DAB1: variants seen among roughly 807,000 people sequenced by gnomAD.
DAB1 encodes the protein DAB adaptor protein 1.
Under a neutral mutation model 64.6 loss-of-function variants are expected in DAB1, and 15 were observed. That is an observed-to-expected ratio of 0.23 (90% CI 0.16 to 0.36). DAB1 has a LOEUF of 0.36. Ranked by LOEUF, DAB1 falls within the 10% of genes least tolerant of loss-of-function variation. DAB1 has a pLI of 1.00. For missense variants in DAB1, 596 were observed against 706.7 expected (o/e 0.84, Z 1.78); for synonymous variants, 235 against 251.9 (o/e 0.93, Z 0.64).
chr1:58,113,917 C>A (rs889454710), intron 5 of DAB1, among the ~76,000 whole-genome samples: 1 of 151,378 alleles, frequency 6.6e-6, no homozygotes, highest in Non-Finnish European at 1.5e-5. Flanking sequence ...AGGAAGGTGC[C>A]CCCCCAAAGT....
chr1:57,950,769 C>T (rs1202789), intron 5 of DAB1, among the ~76,000 whole-genome samples: 21,602 of 152,086 alleles, frequency 0.14, 2,149 homozygotes, highest in African/African-American at 0.28. Context: ...AGAATCAAAT[C>T]CTCTCTTTTA....
At chr1:57,309,226 G>T (rs1442743383) in intron 1 of DAB1, among the ~76,000 whole-genome samples, 1 of 152,136 alleles carries the variant, frequency 6.6e-6, no homozygotes, top group Non-Finnish European at 1.5e-5. Flanking sequence ...TTTGCCTGAA[G>T]TTACACAATG....
intron 2 of DAB1, among the ~76,000 whole-genome samples, chr1:58,514,567 C>T (rs1019518876): frequency 6.6e-6 from 1 of 152,044 alleles, no homozygotes; most frequent in Admixed American, 6.6e-5. Context: ...TTTAGGAAAC[C>T]ATTAACACCC....
At chr1:57,611,623 C>T (rs953580236) in intron 7 of DAB1, among the ~76,000 whole-genome samples, 4 of 152,214 alleles carry the variant, frequency 2.6e-5, no homozygotes, top group Admixed American at 2.6e-4. Flanking sequence ...ACAGCTAGTA[C>T]ACTGGCAAGC....
chr1:58,191,999 G>A (rs1175657662), intron 4 of DAB1, among the ~76,000 whole-genome samples: 1 of 152,216 alleles, frequency 6.6e-6, no homozygotes, highest in Non-Finnish European at 1.5e-5. Flanking sequence ...CTGAAAGGGA[G>A]TATTATTATT....
At chr1:57,536,848 A>G (rs1644736079) in intron 7 of DAB1, among the ~76,000 whole-genome samples, 1 of 151,446 alleles carries the variant, frequency 6.6e-6, no homozygotes, top group African/African-American at 2.4e-5. Flanking sequence ...CATGGTTCCC[A>G]TAGTTTGGAA....
intron 6 of DAB1, among the ~76,000 whole-genome samples, chr1:57,781,126 C>CTCTCTATA (rs1557477160): frequency 3.6e-5 from 1 of 27,726 alleles, no homozygotes; most frequent in Non-Finnish European, 6.4e-5. Context: ...CTCTCTCTCT[C>CTCTCTATA]TATATATATA....
chr1:57,508,978 T>A (rs1319876477), intron 7 of DAB1, among the ~76,000 whole-genome samples: 1 of 151,336 alleles, frequency 6.6e-6, no homozygotes, highest in Non-Finnish European at 1.5e-5. Flanking sequence ...CATTTATATA[T>A]GCATATACAT....
At chr1:57,808,600 C>G (rs1651476100) in intron 6 of DAB1, among the ~76,000 whole-genome samples, 1 of 152,078 alleles carries the variant, frequency 6.6e-6, no homozygotes, top group African/African-American at 2.4e-5. Flanking sequence ...CAGAACAAAG[C>G]AAAACAGTGT....
chr1:57,170,804 G>A (rs74074117), intron 2 of DAB1, among the ~76,000 whole-genome samples: 6,751 of 152,200 alleles, frequency 0.044, 245 homozygotes, highest in South Asian at 0.13. Context: ...AGTTTTGGAG[G>A]GGTCAGGGGT....
intron 4 of DAB1, among the ~76,000 whole-genome samples, chr1:58,266,685 G>A (rs1027106637): frequency 2.0e-5 from 3 of 152,074 alleles, no homozygotes; most frequent in African/African-American, 7.2e-5. Context: ...ATGAATCCAT[G>A]GATACAAAAG....
intron 2 of DAB1, among the ~76,000 whole-genome samples, chr1:57,273,202 T>C (rs1425398565): frequency 6.6e-6 from 1 of 152,178 alleles, no homozygotes; most frequent in Non-Finnish European, 1.5e-5. Context: ...ACTTATGATA[T>C]TTGAGTATTT....
chr1:57,966,930 T>C (rs1216752619), intron 5 of DAB1, among the ~76,000 whole-genome samples: 1 of 152,246 alleles, frequency 6.6e-6, no homozygotes, highest in Non-Finnish European at 1.5e-5. Context: ...CTGTTGAACA[T>C]GGTACCTGTA....
intron 5 of DAB1, among the ~76,000 whole-genome samples, chr1:57,999,894 A>G (rs1646480644): frequency 6.6e-6 from 1 of 151,680 alleles, no homozygotes; most frequent in African/African-American, 2.4e-5. Context: ...GAAGGAAGAA[A>G]GAAAAGGAGT....
chr1:58,223,788 T>TA (rs776895501), intron 4 of DAB1, among the ~76,000 whole-genome samples: 1 of 152,204 alleles, frequency 6.6e-6, no homozygotes, highest in Non-Finnish European at 1.5e-5. Flanking sequence ...AAGTGCACGA[T>TA]ATTACTCTGG....
chr1:57,428,497 C>A (rs1685373899), upstream of DAB1, among the ~76,000 whole-genome samples: 1 of 152,170 alleles, frequency 6.6e-6, no homozygotes, highest in Non-Finnish European at 1.5e-5. Context: ...GGATTTCCTT[C>A]TATTTTAAGA....
chr1:57,373,249 G>A (rs1680640282), intron 1 of DAB1, among the ~76,000 whole-genome samples: 1 of 152,136 alleles, frequency 6.6e-6, no homozygotes, highest in Non-Finnish European at 1.5e-5. Context: ...GAATCCTTAG[G>A]TGCTGGTTTG....
intron 4 of DAB1, among the ~76,000 whole-genome samples, chr1:58,294,279 A>T (rs947616164): frequency 2.9e-4 from 44 of 152,280 alleles, no homozygotes; most frequent in Non-Finnish European, 5.4e-4. Flanking sequence ...TTTTGGAAAA[A>T]ATTACTTATT....
intron 5 of DAB1, among the ~76,000 whole-genome samples, chr1:57,906,893 C>A (rs188932973): frequency 9.0e-4 from 136 of 151,948 alleles, no homozygotes; most frequent in African/African-American, 3.2e-3. Context: ...AGGCAATACA[C>A]ATTTTCTTAG....
Sources: gnomAD v4.1 joint callset for allele counts (sites outside exome capture counted in the v4.1 genomes callset) on GRCh38, gnomAD v4.1.1 for gene constraint, MANE v1.5 for transcripts, NCBI Gene and HGNC (gene_info 2026-07-23, HGNC 2026-07-21) for gene names.